The following DNAH17 variants were observed in gnomAD, a reference collection of about 807,000 sequenced individuals.
DNAH17 encodes axonemal beta dynein heavy chain 17.
Under a neutral mutation model 485.6 loss-of-function variants are expected in DNAH17, and 376 were observed. The observed-to-expected ratio is 0.77, with a 90% CI of 0.71 to 0.84. The LOEUF (loss-of-function observed/expected upper bound fraction) is 0.84, where lower values mean the gene tolerates loss of function less well. Among genes scored for constraint, DNAH17 ranks in the 40% least tolerant of loss-of-function variants. The probability of loss-of-function intolerance (pLI) is 0.00; values close to 1 mark genes in which losing one functional copy is unlikely to be tolerated. For missense variants in DNAH17, 6,370 were observed against 5,839.3 expected (o/e 1.09, Z -2.96); for synonymous variants, 3,031 against 2,405.9 (o/e 1.26, Z -7.60).
intron 69 of DNAH17, among the ~76,000 whole-genome samples, chr17:78,447,817 T>C (rs761014053): frequency 2.6e-5 from 4 of 152,198 alleles, no homozygotes; most frequent in Non-Finnish European, 5.9e-5. Context: ...CCAACCTGTT[T>C]ATACAATTAG....
intron 74 of DNAH17, among the ~76,000 whole-genome samples, chr17:78,434,618 G>C (rs1018919959): frequency 6.6e-6 from 1 of 151,562 alleles, no homozygotes; most frequent in Non-Finnish European, 1.5e-5. Context: ...AACTGGTAAA[G>C]TTCCATCAGG....
At chr17:78,528,564 T>C (rs1407013611) in intron 22 of DNAH17, among the ~76,000 whole-genome samples, 1 of 151,760 alleles carries the variant, frequency 6.6e-6, no homozygotes, top group African/African-American at 2.4e-5. Context: ...TGTCTGTGGC[T>C]GGACACAGAG....
At chr17:78,472,761 C>T (rs55655829) in intron 54 of DNAH17, 64,803 of 454,990 alleles carry the variant, frequency 0.14, 5,079 homozygotes, top group South Asian at 0.21. Context: ...CCTCCCCCTC[C>T]GTTCTCCCTT....
At chr17:78,542,036 G>T (rs116310805) in intron 17 of DNAH17, among the ~76,000 whole-genome samples, 1 of 151,828 alleles carries the variant, frequency 6.6e-6, no homozygotes, top group Middle Eastern at 3.4e-3. Flanking sequence ...CCATCCCCCG[G>T]GTGTGGCCTG....
Position 78,532,994 on chromosome 17 carries a change from C to T in DNAH17, c.2860-258G>A, listed in dbSNP as rs183026577. ...ACAGCCCAGAACTCCTGGGCTCAAG[C>T]GATCCTCCTGCCTCAGCCTCCCAAG... On this transcript the variant is annotated intron_variant, in intron 19 of 80. Transcript: ENST00000389840. The T allele has an allele frequency of 1.7e-4, 57 of 331,004 alleles. 1 individual carries two copies. The East Asian group carries it at 2.1e-3, about 12-fold the overall frequency. The allele number at this position is 331,004 out of a possible 1,614,324, so 20.5% of individuals were successfully genotyped here.
At chr17:78,472,956 C>A (rs1234529146) in intron 54 of DNAH17, among the ~76,000 whole-genome samples, 1 of 152,196 alleles carries the variant, frequency 6.6e-6, no homozygotes, top group Non-Finnish European at 1.5e-5. Context: ...TTTCTTGGGA[C>A]CAAGCCCAGG....
At chr17:78,526,375 G>T (rs1159148863) in intron 24 of DNAH17, among the ~76,000 whole-genome samples, 2 of 152,134 alleles carry the variant, frequency 1.3e-5, no homozygotes, top group African/African-American at 2.4e-5. Context: ...GGTGTTAAGG[G>T]GCCTGAGCCG....
rs554229589 is a variant in DNAH17 at position 78,462,864 on chromosome 17, G to A, written c.9154C>T (p.Leu3052=). 2.3e-4 allele frequency: 367 copies of A among 1,613,952 alleles called. 3 individuals are homozygous for A. In the South Asian group the frequency reaches 3.8e-3, roughly 17 times the overall value. ...CCTACCTGGGAAGCCGTGCTCTGCA[G>A]CTTCATCAGGCCGTTCTCCAGCCTC... is the stretch of plus-strand genomic sequence containing the variant. ...IERLENGLMK[L]QSTASQVDDL... The change falls in exon 57 of 81, where the codon CTG becomes TTG. Residue 3052 remains leucine (L), a synonymous_variant. Coordinates refer to ENST00000389840, the MANE Select transcript of DNAH17 (RefSeq NM_173628.4).
chr17:78,428,855 G>A, intron 76 of DNAH17, 148 bp from the exon 77 acceptor site: 1 of 983,224 alleles, frequency 1.0e-6, no homozygotes, highest in Non-Finnish European at 1.5e-6. Context: ...TTTGTGGGCT[G>A]CCCCCTGTGC....
At chr17:78,474,913 G>GTCACACGGGCCGAAAGGTTTCAGACC (rs1568110974) in intron 54 of DNAH17, among the ~76,000 whole-genome samples, 1 of 134,536 alleles carries the variant, frequency 7.4e-6, no homozygotes, top group African/African-American at 3.1e-5. Flanking sequence ...GGTTTCACAC[G>GTCACACGGGCCGAAAGGTTTCAGACC]CTTCACCTCA....
At chr17:78,452,145 C>T (rs567260144) in intron 65 of DNAH17, among the ~76,000 whole-genome samples, 3 of 151,950 alleles carry the variant, frequency 2.0e-5, no homozygotes, top group Non-Finnish European at 4.4e-5. Context: ...AGCTTCACCC[C>T]TCAGCACTCA....
intron 26 of DNAH17, among the ~76,000 whole-genome samples, chr17:78,514,503 C>CAAAAAAAA (rs79884057): frequency 1.5e-4 from 17 of 112,080 alleles, no homozygotes; most frequent in East Asian, 5.3e-4. Context: ...GACTCCGTCT[C>CAAAAAAAA]AAAAAAAAAA....
intron 18 of DNAH17, among the ~76,000 whole-genome samples, chr17:78,539,162 G>A (rs978488880): frequency 3.9e-5 from 6 of 152,020 alleles, no homozygotes; most frequent in East Asian, 1.9e-4. Context: ...CCCAGGAGGT[G>A]GAGTTTGCAG....
At chr17:78,441,220 A>T (rs762630660) in intron 71 of DNAH17, 21 bp from the exon 72 acceptor site, 14 of 1,612,600 alleles carry the variant, frequency 8.7e-6, no homozygotes, top group Non-Finnish European at 1.1e-5. Flanking sequence ...AGTGCATCAG[A>T]GGCAGCGGAA....
intron 71 of DNAH17, among the ~76,000 whole-genome samples, chr17:78,441,872 G>T (rs2087090381): frequency 6.6e-6 from 1 of 152,100 alleles, no homozygotes; most frequent in African/African-American, 2.4e-5. Context: ...ATCACTTGAG[G>T]TTAGGAGTTT....
At chr17:78,532,111 C>T (rs1399362041) in intron 20 of DNAH17, among the ~76,000 whole-genome samples, 1 of 152,220 alleles carries the variant, frequency 6.6e-6, no homozygotes, top group East Asian at 1.9e-4. Context: ...AGGTACCAGA[C>T]AGCCCCTATA....
At chr17:78,473,582 C>G (rs938773889) in intron 54 of DNAH17, among the ~76,000 whole-genome samples, 13 of 148,076 alleles carry the variant, frequency 8.8e-5, no homozygotes, top group African/African-American at 2.8e-4. Context: ...ACAGTGATAG[C>G]AAAGCTGATT....
At position 78,561,596 on chromosome 17, in the gene DNAH17, C is replaced by G. The variant is rs562141461; in HGVS notation, c.1835+119G>C. 10 of 1,266,736 alleles carry G rather than the reference C, an allele frequency of 7.9e-6. No individual in the cohort carries two copies. In the African/African-American group the frequency reaches 1.2e-4, roughly 15 times the overall value. The allele number at this position is 1,266,736 out of a possible 1,614,324, so 78.5% of individuals were successfully genotyped here. ...AAGGGGTCTCTTCTGGGCTTTTGCTCTGGGAGGTAACAGTCTGGTCGACAG... is the reference window on the plus strand; with the variant it reads ...AAGGGGTCTCTTCTGGGCTTTTGCTGTGGGAGGTAACAGTCTGGTCGACAG... On this transcript the variant is annotated intron_variant, in intron 12 of 80. Coordinates refer to ENST00000389840, the MANE Select transcript of DNAH17 (RefSeq NM_173628.4).
chr17:78,518,993 C>G (rs573299691), intron 25 of DNAH17, among the ~76,000 whole-genome samples: 1 of 151,560 alleles, frequency 6.6e-6, no homozygotes, highest in Non-Finnish European at 1.5e-5. Context: ...ATGGTGAAAC[C>G]CCGTCTCTAC....
Sources: gnomAD v4.1 joint callset for allele counts (sites outside exome capture counted in the v4.1 genomes callset) on GRCh38, gnomAD v4.1.1 for gene constraint, MANE v1.5 for transcripts, NCBI Gene and HGNC (gene_info 2026-07-23, HGNC 2026-07-21) for gene names.